Variants in PREX2 observed in about 807,000 individuals in gnomAD.
PREX2 encodes the protein phosphatidylinositol 3,4,5-trisphosphate-dependent Rac exchanger 2 protein.
A neutral mutation model predicts 203.2 loss-of-function variants in PREX2; 107 were observed. The ratio of observed to expected loss-of-function variants is 0.53; its 90% confidence interval spans 0.45 to 0.62. The LOEUF is 0.62. Among genes scored for constraint, PREX2 ranks in the 20% least tolerant of loss-of-function variants. The pLI is 0.00. For synonymous variants in PREX2, 672 were observed against 663.6 expected, an observed-to-expected ratio of 1.01 and a Z score of -0.19; for missense variants, 1,777 against 1,955.9, an observed-to-expected ratio of 0.91 and a Z score of 1.72.
intron 34 of PREX2, among the ~76,000 whole-genome samples, chr8:68,151,067 C>T (rs552737355): frequency 6.6e-6 from 1 of 152,108 alleles, no homozygotes. Flanking sequence ...GGATTTGGGC[C>T]TATCATAATT....
intron 35 of PREX2, among the ~76,000 whole-genome samples, chr8:68,167,593 G>A (rs190660738): frequency 1.8e-4 from 28 of 152,020 alleles, no homozygotes; most frequent in African/African-American, 6.3e-4. Context: ...TTGGCCTCCC[G>A]AAGTGCTGGG....
At position 68,180,643 on chromosome 8, in the gene PREX2, A is replaced by G. The variant is rs139416104; in HGVS notation, c.4347-11079A>G. 5.3e-4 allele frequency among the ~76,000 whole-genome samples: 81 copies of G among 152,242 alleles called. 2 individuals are homozygous for G. In the East Asian group the frequency reaches 0.013, roughly 25 times the overall value. On this transcript the variant is annotated intron_variant, in intron 35 of 39. Transcript: ENST00000288368. ...AAGCAGGGAAAGTAGGTGAGCACCA[A>G]CAAGGTGCCAGGGCAAAGTCAAAAG...
intron 11 of PREX2, among the ~76,000 whole-genome samples, chr8:68,063,207 T>A: frequency 6.6e-6 from 1 of 152,210 alleles, no homozygotes; most frequent in Non-Finnish European, 1.5e-5. Flanking sequence ...TAGGATCGCA[T>A]AGATCTTATA....
chr8:67,969,210 A>G (rs1233267380), intron 1 of PREX2, among the ~76,000 whole-genome samples: 2 of 152,002 alleles, frequency 1.3e-5, no homozygotes, highest in African/African-American at 4.8e-5. Context: ...GTCTAAGACA[A>G]TGTCTGAATG....
intron 25 of PREX2, among the ~76,000 whole-genome samples, chr8:68,111,889 C>T (rs891782384): frequency 6.6e-6 from 1 of 152,094 alleles, no homozygotes; most frequent in African/African-American, 2.4e-5. Context: ...TCAGAGATGT[C>T]TTTGCAAGTG....
rs74833244 is a variant in PREX2, at chr8:67,955,745, G to A, written c.141+3210G>A. ...CTCAATAAATGCTTGCTGAGTGCAT[G>A]CATGAATCAATGAGTTGACCCATCT... is the stretch of plus-strand genomic sequence containing the variant. On this transcript the variant is annotated intron_variant, in intron 1 of 39. Transcript: ENST00000288368. 8.4e-3 allele frequency among the ~76,000 whole-genome samples: 1,279 copies of A among 152,298 alleles called. 18 individuals carry two copies. Among genetic ancestry groups the A allele is most frequent in the African/African-American group, 0.028 (1,154 of 41,556 alleles).
chr8:68,140,264 G>A (rs921888276), intron 33 of PREX2, among the ~76,000 whole-genome samples: 8 of 152,130 alleles, frequency 5.3e-5, no homozygotes, highest in Non-Finnish European at 1.2e-4. Flanking sequence ...GAATATATTT[G>A]GCAATACATT....
intron 34 of PREX2, among the ~76,000 whole-genome samples, chr8:68,153,930 A>T (rs1278699215): frequency 6.6e-6 from 1 of 152,250 alleles, no homozygotes; most frequent in Non-Finnish European, 1.5e-5. Flanking sequence ...AATTTATGAG[A>T]TTGTAGAAGT....
At chr8:68,048,629 G>A (rs950266743) in intron 8 of PREX2, among the ~76,000 whole-genome samples, 1 of 151,816 alleles carries the variant, frequency 6.6e-6, no homozygotes, top group Non-Finnish European at 1.5e-5. Flanking sequence ...TTTGGACATT[G>A]CAGAAAAATA....
rs370828801 is a variant in PREX2 at position 68,108,293 on chromosome 8, A to G, written c.2900A>G (p.His967Arg). ...GGTGTTCAGTTGGATAGCAGGAAGC[A>G]TAATTCTCATGATAAAGAAAACAAA... ...AFGVQLDSRK[H>R]NSHDKENKSS... Residue 967 changes from histidine to arginine, a missense_variant, in exon 24 of 40, where the codon CAT becomes CGT. By Grantham distance (29) the His-to-Arg change is conservative. Coordinates refer to ENST00000288368, the MANE Select transcript of PREX2 (RefSeq NM_024870.4). 1 of 1,613,796 alleles carries G rather than the reference A, an allele frequency of 6.2e-7. No individual in the cohort carries two copies. Among genetic ancestry groups the G allele is most frequent in the East Asian group, 2.2e-5 (1 of 44,872 alleles).
intron 1 of PREX2, among the ~76,000 whole-genome samples, chr8:68,017,628 G>A (rs142119720): frequency 4.3e-4 from 65 of 152,260 alleles, no homozygotes; most frequent in Non-Finnish European, 7.5e-4. Context: ...ACATATACTT[G>A]ATGATTTCTG....
intron 35 of PREX2, among the ~76,000 whole-genome samples, chr8:68,179,934 C>G (rs1812053093): frequency 6.6e-6 from 1 of 152,132 alleles, no homozygotes; most frequent in Non-Finnish European, 1.5e-5. Context: ...AGTCTCATAT[C>G]ATTTACCTCC....
chr8:68,157,184 A>G, intron 34 of PREX2, 138 bp from the exon 35 acceptor site: 2 of 463,032 alleles, frequency 4.3e-6, no homozygotes, highest in Non-Finnish European at 7.8e-6. Context: ...TCATTTTTGG[A>G]CCTAACATAG....
chr8:68,016,249 C>G (rs1807406745), intron 1 of PREX2, among the ~76,000 whole-genome samples: 1 of 152,096 alleles, frequency 6.6e-6, no homozygotes, highest in Non-Finnish European at 1.5e-5. Context: ...AACATTAGCA[C>G]ACACCAATAT....
chr8:68,199,288 A>G (rs568296703), intron 37 of PREX2, among the ~76,000 whole-genome samples: 1 of 152,378 alleles, frequency 6.6e-6, no homozygotes, highest in South Asian at 2.1e-4. Flanking sequence ...GCTACTGTCC[A>G]TGTAATCCAG....
chr8:68,070,262 A>G (rs1353008239), intron 13 of PREX2, among the ~76,000 whole-genome samples: 1 of 151,878 alleles, frequency 6.6e-6, no homozygotes, highest in Admixed American at 6.6e-5. Context: ...ATTAAATTGT[A>G]TAATCAAATA....
chr8:68,198,467 G>A (rs539942998), intron 37 of PREX2, among the ~76,000 whole-genome samples: 79 of 152,192 alleles, frequency 5.2e-4, no homozygotes, highest in Middle Eastern at 6.8e-3. Flanking sequence ...GCTTGCTACC[G>A]GGATTTCTAA....
At chr8:67,961,905 T>C (rs1805644554) in intron 1 of PREX2, among the ~76,000 whole-genome samples, 1 of 152,184 alleles carries the variant, frequency 6.6e-6, no homozygotes, top group African/African-American at 2.4e-5. Context: ...ATGCATATTT[T>C]CCATTAAAAG....
chr8:68,108,820 GAT>G (rs1260998221), intron 24 of PREX2, among the ~76,000 whole-genome samples: 2 of 152,016 alleles, frequency 1.3e-5, no homozygotes, highest in African/African-American at 4.8e-5. Flanking sequence ...AATTTAACTG[GAT>G]AAAGAAAATG....
Sources: gnomAD v4.1 joint callset for allele counts (sites outside exome capture counted in the v4.1 genomes callset) on GRCh38, gnomAD v4.1.1 for gene constraint, MANE v1.5 for transcripts, NCBI Gene and HGNC (gene_info 2026-07-23, HGNC 2026-07-21) for gene names.